Variants in SLC24A3 observed in about 807,000 individuals in gnomAD.
SLC24A3 encodes the protein sodium/potassium/calcium exchanger 3.
Under a neutral mutation model 75.8 loss-of-function variants are expected in SLC24A3, and 28 were observed. The observed-to-expected ratio is 0.37, with a 90% CI of 0.27 to 0.51. SLC24A3 has a LOEUF of 0.51. SLC24A3 is among the 20% of genes least tolerant of loss of function. SLC24A3 has a pLI of 0.94. For synonymous variants in SLC24A3, 372 were observed against 334.1 expected (o/e 1.11, Z -1.24); for missense variants, 663 against 847.8 (o/e 0.78, Z 2.71).
intron 1 of SLC24A3, among the ~76,000 whole-genome samples, chr20:19,240,033 A>G (rs1982284566): frequency 6.6e-6 from 1 of 152,220 alleles, no homozygotes; most frequent in South Asian, 2.1e-4. Context: ...TTAACCAGGT[A>G]GAACATGGTG....
chr20:19,381,974 A>T (rs1986190735), intron 2 of SLC24A3, among the ~76,000 whole-genome samples: 1 of 152,194 alleles, frequency 6.6e-6, no homozygotes, highest in South Asian at 2.1e-4. Flanking sequence ...AGCTTTGGAT[A>T]AAATGGAGCC....
intron 2 of SLC24A3, among the ~76,000 whole-genome samples, chr20:19,343,487 C>T (rs776057919): frequency 2.6e-5 from 4 of 152,056 alleles, no homozygotes; most frequent in Admixed American, 6.6e-5. Context: ...TTTAGTCTAT[C>T]GTATCTCATC....
At chr20:19,488,650 C>T (rs1988162608) in intron 2 of SLC24A3, among the ~76,000 whole-genome samples, 1 of 152,154 alleles carries the variant, frequency 6.6e-6, no homozygotes, top group South Asian at 2.1e-4. Context: ...ACAGGTTGGG[C>T]ATCCCTTATC....
Position 19,212,905 on chromosome 20 carries a change from C to T in SLC24A3, c.63C>T (p.Asp21=). 1 of 1,341,822 alleles carries T rather than the reference C, an allele frequency of 7.5e-7. No homozygotes were observed. Among genetic ancestry groups the T allele is most frequent in the South Asian group, 2.1e-5 (1 of 47,126 alleles). 83.1% of individuals were successfully genotyped at this position (1,341,822 alleles called of 1,614,324 possible). ...RRRRRRRRRR[D]LLLSQLCFLA... ...GCCGCCGCCGCCGCCGCCGGAGGGA[C>T]CTTCTGCTGAGCCAGCTCTGCTTCC... Residue 21 remains aspartate (D), a synonymous_variant, in exon 1 of 17, where the codon GAC becomes GAT. Transcript: ENST00000328041.
At chr20:19,473,785 G>C (rs1262640278) in intron 2 of SLC24A3, among the ~76,000 whole-genome samples, 1 of 152,212 alleles carries the variant, frequency 6.6e-6, no homozygotes, top group Non-Finnish European at 1.5e-5. Context: ...GCCCCTCCAA[G>C]GCAGTGTAGG....
chr20:19,364,270 C>T lies in SLC24A3; in HGVS notation c.271+83183C>T, dbSNP rs771310255. ...CCCTGCTGCTTCCACTTCAGCCAGC[C>T]GCCCCCCTCCCCTGAGTCTGATGGG... On this transcript the variant is annotated intron_variant, in intron 2 of 16. Transcript: ENST00000328041. 1.8e-3 allele frequency among the ~76,000 whole-genome samples: 280 copies of T among 152,024 alleles called. 4 individuals carry two copies. The highest frequency in any genetic ancestry group is 1.6e-4 in the Non-Finnish European group (11 of 68,008).
At chr20:19,468,389 A>T (rs1987805227) in intron 2 of SLC24A3, among the ~76,000 whole-genome samples, 1 of 152,098 alleles carries the variant, frequency 6.6e-6, no homozygotes, top group Non-Finnish European at 1.5e-5. Context: ...CAGGCCTCAG[A>T]ATCCGAGTTC....
chr20:19,677,675 C>CTTTTTTTTTTCTTTTTTTTTTT (rs2032540991), intron 9 of SLC24A3, among the ~76,000 whole-genome samples: 3 of 95,606 alleles, frequency 3.1e-5, no homozygotes, highest in Non-Finnish European at 6.7e-5. Flanking sequence ...TTTTAGGATT[C>CTTTTTTTTTTCTTTTTTTTTTT]TTTTTTTTTT....
At chr20:19,337,954 A>G (rs1434334435) in intron 2 of SLC24A3, among the ~76,000 whole-genome samples, 1 of 152,134 alleles carries the variant, frequency 6.6e-6, no homozygotes, top group Non-Finnish European at 1.5e-5. Context: ...TCCTTCAATT[A>G]TCTTGCCCAT....
chr20:19,382,284 C>T (rs1986196197), intron 2 of SLC24A3, among the ~76,000 whole-genome samples: 1 of 152,028 alleles, frequency 6.6e-6, no homozygotes, highest in South Asian at 2.1e-4. Flanking sequence ...TGATAGTGCA[C>T]AATGCATGAT....
At chr20:19,711,571 C>G (rs989346061) in intron 15 of SLC24A3, among the ~76,000 whole-genome samples, 2 of 152,218 alleles carry the variant, frequency 1.3e-5, no homozygotes, top group Non-Finnish European at 2.9e-5. Flanking sequence ...AACGCACACA[C>G]GTGCATGCTC....
At chr20:19,231,598 A>T (rs1435003885) in intron 1 of SLC24A3, among the ~76,000 whole-genome samples, 1 of 152,190 alleles carries the variant, frequency 6.6e-6, no homozygotes, top group East Asian at 1.9e-4. Context: ...AAGGCTGCAG[A>T]TTCTTCCCAA....
chr20:19,375,291 C>T (rs1279776050), intron 2 of SLC24A3, among the ~76,000 whole-genome samples: 1 of 152,174 alleles, frequency 6.6e-6, no homozygotes, highest in Non-Finnish European at 1.5e-5. Flanking sequence ...CTCAGAACAC[C>T]CTGTCTCAAT....
chr20:19,512,212 G>A (rs551780414), intron 2 of SLC24A3, among the ~76,000 whole-genome samples: 2 of 152,330 alleles, frequency 1.3e-5, no homozygotes, highest in South Asian at 2.1e-4. Context: ...AGCAGACCAA[G>A]ATCAGGTCAC....
intron 3 of SLC24A3, among the ~76,000 whole-genome samples, chr20:19,543,743 T>C (rs2030541084): frequency 1.3e-5 from 2 of 152,182 alleles, no homozygotes; most frequent in Non-Finnish European, 2.9e-5. Context: ...ACTGGTTGAA[T>C]TGCTAAATAA....
intron 12 of SLC24A3, among the ~76,000 whole-genome samples, chr20:19,688,010 C>T (rs1003340991): frequency 2.0e-5 from 3 of 152,150 alleles, no homozygotes; most frequent in South Asian, 4.1e-4. Flanking sequence ...GAAGCACAGA[C>T]AGGAGAGAAG....
At chr20:19,312,183 G>C (rs1258470006) in intron 2 of SLC24A3, among the ~76,000 whole-genome samples, 1 of 152,166 alleles carries the variant, frequency 6.6e-6, no homozygotes, top group Admixed American at 6.5e-5. Context: ...AGCATTGGAA[G>C]AGTTCTTCAG....
chr20:19,402,921 G>A (rs1227767656), intron 2 of SLC24A3, among the ~76,000 whole-genome samples: 1 of 152,330 alleles, frequency 6.6e-6, no homozygotes, highest in East Asian at 1.9e-4. Flanking sequence ...GCCACACATG[G>A]CTCTTGAGCA....
At position 19,270,690 on chromosome 20, in the gene SLC24A3, T is replaced by C. The variant is rs554928966; in HGVS notation, c.143-10269T>C. Among the ~76,000 whole-genome samples the C allele has an allele frequency of 1.7e-4, 26 of 152,174 alleles. 1 individual carries two copies. In the South Asian group the frequency reaches 5.2e-3, roughly 30 times the overall value. ...AATTGGGAGTTAGGATTTCCACATATGAATTTGACACCAACATTCCATACT... is the reference window on the plus strand; with the variant it reads ...AATTGGGAGTTAGGATTTCCACATACGAATTTGACACCAACATTCCATACT... On this transcript the variant is annotated intron_variant, in intron 1 of 16. Transcript: ENST00000328041.
Sources: allele counts gnomAD v4.1 joint callset (sites outside exome capture counted in the v4.1 genomes callset), GRCh38; gene constraint gnomAD v4.1.1; transcripts MANE v1.5; gene names NCBI Gene and HGNC (gene_info 2026-07-23, HGNC 2026-07-21).